PHACTR1: variants seen among roughly 807,000 people sequenced by gnomAD.
PHACTR1 encodes the protein phosphatase and actin regulator 1.
In PHACTR1, 16 loss-of-function variants were observed where a neutral mutation model predicts 69.2. That is an observed-to-expected ratio of 0.23 (90% confidence interval 0.16 to 0.35). The LOEUF is 0.35. PHACTR1 is among the 10% of genes least tolerant of loss of function. The pLI is 1.00. For missense variants in PHACTR1, 510 were observed against 734.7 expected, an observed-to-expected ratio of 0.69 and a Z score of 3.54; for synonymous variants, 312 against 284.5, an observed-to-expected ratio of 1.10 and a Z score of -0.97.
intron 3 of PHACTR1, among the ~76,000 whole-genome samples, chr6:12,744,729 AATG>A (rs1251156566): frequency 6.6e-6 from 1 of 152,226 alleles, no homozygotes; most frequent in Non-Finnish European, 1.5e-5. Flanking sequence ...GCAGCAAAAA[AATG>A]ATGTTTTATG....
chr6:12,770,648 A>G (rs1769263840), intron 4 of PHACTR1, among the ~76,000 whole-genome samples: 1 of 152,194 alleles, frequency 6.6e-6, no homozygotes, highest in South Asian at 2.1e-4. Flanking sequence ...AAAAACGTTT[A>G]CAGATGATCT....
chr6:13,218,124 T>G (rs1486922110), intron 8 of PHACTR1, among the ~76,000 whole-genome samples: 4 of 152,242 alleles, frequency 2.6e-5, no homozygotes, highest in Non-Finnish European at 5.9e-5. Context: ...GAAAGCAATA[T>G]TCCCTTTATT....
At chr6:13,251,469 ATGTGCTGGGGGCGC>A (rs1774392055) in intron 10 of PHACTR1, among the ~76,000 whole-genome samples, 1 of 152,136 alleles carries the variant, frequency 6.6e-6, no homozygotes, top group East Asian at 1.9e-4. Context: ...CTGCCTGCCC[ATGTGCTGGGGGCGC>A]TGTGGTCTCT....
At chr6:13,108,946 T>C (rs1318899476) in intron 5 of PHACTR1, among the ~76,000 whole-genome samples, 2 of 152,036 alleles carry the variant, frequency 1.3e-5, no homozygotes, top group African/African-American at 2.4e-5. Context: ...ACATTTTATG[T>C]ACTCTATTTG....
intron 4 of PHACTR1, among the ~76,000 whole-genome samples, chr6:12,858,271 T>C (rs1780601459): frequency 6.6e-6 from 1 of 152,162 alleles, no homozygotes; most frequent in Non-Finnish European, 1.5e-5. Context: ...AGGGTCCCAG[T>C]GCACATCAGG....
intron 4 of PHACTR1, among the ~76,000 whole-genome samples, chr6:12,997,682 C>T (rs1040266218): frequency 4.6e-5 from 7 of 152,152 alleles, no homozygotes; most frequent in African/African-American, 1.7e-4. Flanking sequence ...TGGCCAGGAA[C>T]GGTGGCTCAC....
At position 13,283,298 on chromosome 6, in the gene PHACTR1, C is replaced by G. The variant is rs6915015; in HGVS notation, c.1510-124C>G. 3,432 of 791,206 alleles carry G rather than the reference C, an allele frequency of 4.3e-3. 92 individuals are homozygous for G. The African/African-American group carries it at 0.056, about 13-fold the overall frequency. 49.0% of individuals were successfully genotyped at this position (791,206 alleles called of 1,614,324 possible). A position where few individuals can be genotyped will look rare whatever the true frequency, so the allele number is the denominator to read the frequency against. On this transcript the variant is annotated intron_variant, in intron 12 of 14. Coordinates refer to ENST00000332995, the MANE Select transcript of PHACTR1 (RefSeq NM_030948.6). This position sits in a 1 kb window ranked among gnomAD's most constrained non-coding sequence, Gnocchi z 4.7. ...CCTCCCCCTGCCCCTGCCCCTCACT[C>G]ACTATGCGATGCATCCATCGCCTCA...
chr6:13,166,507 C>A (rs575990952), intron 6 of PHACTR1, among the ~76,000 whole-genome samples: 1 of 152,314 alleles, frequency 6.6e-6, no homozygotes, highest in Non-Finnish European at 1.5e-5. Flanking sequence ...GAGGTAATTT[C>A]TGCATGTTCA....
chr6:12,992,316 C>A (rs1582866211), intron 4 of PHACTR1, among the ~76,000 whole-genome samples: 1 of 152,218 alleles, frequency 6.6e-6, no homozygotes, highest in East Asian at 1.9e-4. Flanking sequence ...TGCCTCATTT[C>A]ACTGCACGGC....
intron 4 of PHACTR1, among the ~76,000 whole-genome samples, chr6:12,809,093 G>C (rs1047410595): frequency 6.6e-6 from 1 of 152,012 alleles, no homozygotes; most frequent in African/African-American, 2.4e-5. Flanking sequence ...ACCCCATGTT[G>C]CCCAGGCTGG....
intron 4 of PHACTR1, among the ~76,000 whole-genome samples, chr6:12,814,468 C>A (rs1775362647): frequency 6.6e-6 from 1 of 152,260 alleles, no homozygotes. Flanking sequence ...GCCACAGATA[C>A]TCTCTGGAAA....
intron 4 of PHACTR1, among the ~76,000 whole-genome samples, chr6:12,772,409 A>G (rs950306319): frequency 6.6e-6 from 1 of 152,222 alleles, no homozygotes; most frequent in African/African-American, 2.4e-5. Context: ...AGGGGAGAGA[A>G]CAGATTTGAT....
At chr6:12,876,392 A>T (rs1782531295) in intron 4 of PHACTR1, among the ~76,000 whole-genome samples, 1 of 152,214 alleles carries the variant, frequency 6.6e-6, no homozygotes, top group Non-Finnish European at 1.5e-5. Flanking sequence ...TTCCCAGTTT[A>T]CAGATAAAGA....
chr6:13,283,271 G>C lies in PHACTR1; in HGVS notation c.1510-151G>C. 1.3e-6 allele frequency: 1 copy of C among 745,028 alleles called. No homozygotes were observed. Among genetic ancestry groups the C allele is most frequent in the Non-Finnish European group, 2.1e-6 (1 of 472,066 alleles). 46.2% of individuals were successfully genotyped at this position (745,028 alleles called of 1,614,324 possible). Reference sequence around the variant, plus strand: ...AGGAGACTTGGGTCCCCCCACCCTGGCCCTCCCCCTGCCCCTGCCCCTCAC... The same window carrying C: ...AGGAGACTTGGGTCCCCCCACCCTGCCCCTCCCCCTGCCCCTGCCCCTCAC... On this transcript the variant is annotated intron_variant, in intron 12 of 14. Coordinates refer to ENST00000332995, the MANE Select transcript of PHACTR1 (RefSeq NM_030948.6). The surrounding 1 kb of genome is among the most constrained non-coding windows in gnomAD (Gnocchi z 4.7).
intron 4 of PHACTR1, among the ~76,000 whole-genome samples, chr6:12,802,163 T>C (rs142475400): frequency 6.6e-6 from 1 of 150,396 alleles, no homozygotes; most frequent in African/African-American, 2.4e-5. Flanking sequence ...TTCCTATGAC[T>C]TAAAGGGCAT....
At chr6:12,931,035 C>G (rs1032826637) in intron 4 of PHACTR1, among the ~76,000 whole-genome samples, 5 of 139,984 alleles carry the variant, frequency 3.6e-5, no homozygotes, top group Admixed American at 2.1e-4. Flanking sequence ...AAGAAGGTGA[C>G]AAATGCACAG....
intron 10 of PHACTR1, among the ~76,000 whole-genome samples, chr6:13,251,723 G>A (rs1003064459): frequency 2.6e-5 from 4 of 152,084 alleles, no homozygotes; most frequent in Admixed American, 6.5e-5. Flanking sequence ...AGTTATCTGC[G>A]CTCTCAAGGG....
intron 4 of PHACTR1, among the ~76,000 whole-genome samples, chr6:12,786,044 C>T (rs935715935): frequency 2.0e-5 from 3 of 152,158 alleles, no homozygotes; most frequent in African/African-American, 2.4e-5. Flanking sequence ...CTTCCCCATG[C>T]GTTTTCTCCC....
At chr6:13,067,861 T>A (rs1472524281) in intron 5 of PHACTR1, among the ~76,000 whole-genome samples, 1 of 152,200 alleles carries the variant, frequency 6.6e-6, no homozygotes, top group Non-Finnish European at 1.5e-5. Context: ...TATTGTATGA[T>A]GTATGTGTGG....
Sources: allele counts gnomAD v4.1 joint callset (sites outside exome capture counted in the v4.1 genomes callset), GRCh38; gene constraint gnomAD v4.1.1; non-coding constraint Gnocchi (gnomAD v3.1); transcripts MANE v1.5; gene names NCBI Gene and HGNC (gene_info 2026-07-23, HGNC 2026-07-21).